The following B3GALT1 variants were observed in gnomAD, a reference collection of about 807,000 sequenced individuals.
B3GALT1 encodes the protein UDP-Gal:betaGlcNAc beta 1,3-galactosyltransferase, polypeptide 1.
In B3GALT1, 10 loss-of-function variants were observed where a neutral mutation model predicts 23.2. The ratio of observed to expected loss-of-function variants is 0.43; its 90% confidence interval spans 0.27 to 0.73. The LOEUF (loss-of-function observed/expected upper bound fraction) is 0.73. Among genes scored for constraint, B3GALT1 ranks in the 30% least tolerant of loss-of-function variants. The pLI, the probability that B3GALT1 is intolerant of heterozygous loss-of-function variation, is 0.21. For missense variants in B3GALT1, 299 were observed against 405.4 expected (o/e 0.74, Z 2.25); for synonymous variants, 156 against 141.5 (o/e 1.10, Z -0.73).
chr2:167,796,915 G>A (rs1446502), intron 3 of B3GALT1, among the ~76,000 whole-genome samples: 15,248 of 152,214 alleles, frequency 0.1, 1,662 homozygotes, highest in East Asian at 0.3. Context: ...AGTGAGGCTA[G>A]GTTGATGAGG....
Position 167,687,486 on chromosome 2 carries a change from G to A in B3GALT1, c.-352+40520G>A, listed in dbSNP as rs1487915523. On this transcript the variant is annotated intron_variant, in intron 3 of 4. Coordinates refer to ENST00000392690, the MANE Select transcript of B3GALT1 (RefSeq NM_020981.4). ...TTTGTTGCTACTTTAAATACTGACT[G>A]TAAAGGAGGAAAGAAAAGAAGAAGA... 2.0e-5 allele frequency among the ~76,000 whole-genome samples: 3 copies of A among 152,062 alleles called. No homozygotes were observed. The South Asian group carries it at 6.2e-4, about 31-fold the overall frequency.
chr2:167,521,358 T>C (rs1249523709), intron 2 of B3GALT1, among the ~76,000 whole-genome samples: 3 of 152,182 alleles, frequency 2.0e-5, no homozygotes, highest in African/African-American at 7.2e-5. Context: ...AGATCCCTTT[T>C]ACAGGCAAAA....
At chr2:167,858,344 T>TA (rs77883366) in intron 4 of B3GALT1, among the ~76,000 whole-genome samples, 1,594 of 68,926 alleles carry the variant, frequency 0.023, 13 homozygotes, top group African/African-American at 0.039. Flanking sequence ...AAGAGCGAAG[T>TA]AAAAAAAAAA....
intron 2 of B3GALT1, among the ~76,000 whole-genome samples, chr2:167,564,457 G>T (rs981140544): frequency 1.3e-5 from 2 of 151,832 alleles, no homozygotes; most frequent in Admixed American, 1.3e-4. Context: ...CTCCCAGACG[G>T]GGTGGCGGCC....
intron 2 of B3GALT1, among the ~76,000 whole-genome samples, chr2:167,630,724 T>G (rs1187235979): frequency 6.6e-6 from 1 of 151,748 alleles, no homozygotes; most frequent in Admixed American, 6.6e-5. Context: ...TATGGGTGCT[T>G]ATTGTACCAA....
intron 1 of B3GALT1, among the ~76,000 whole-genome samples, chr2:167,448,749 C>G (rs1037181720): frequency 6.6e-6 from 1 of 152,072 alleles, no homozygotes. Flanking sequence ...AGATTTAAGT[C>G]CTTCATTCAT....
chr2:167,603,483 A>T (rs1287611144), intron 2 of B3GALT1, among the ~76,000 whole-genome samples: 2 of 152,246 alleles, frequency 1.3e-5, no homozygotes, highest in Non-Finnish European at 2.9e-5. Flanking sequence ...GAGCTGAATG[A>T]AATAAAGGAG....
chr2:167,376,086 GTTT>G (rs1697758562), intron 1 of B3GALT1, among the ~76,000 whole-genome samples: 1 of 152,068 alleles, frequency 6.6e-6, no homozygotes, highest in Non-Finnish European at 1.5e-5. Flanking sequence ...ATGATCATAT[GTTT>G]TTTCTTATTA....
chr2:167,459,279 A>G (rs559567832), intron 1 of B3GALT1, among the ~76,000 whole-genome samples: 27 of 152,136 alleles, frequency 1.8e-4, no homozygotes, highest in Admixed American at 1.6e-3. Context: ...CATATTTTCT[A>G]TCACTATTTT....
intron 4 of B3GALT1, among the ~76,000 whole-genome samples, chr2:167,822,341 T>G (rs1442360105): frequency 6.6e-6 from 1 of 152,210 alleles, no homozygotes; most frequent in Non-Finnish European, 1.5e-5. Context: ...TAGGCTGTAC[T>G]TTGCTAACTG....
intron 2 of B3GALT1, among the ~76,000 whole-genome samples, chr2:167,582,607 T>C (rs377190590): frequency 9.8e-5 from 15 of 152,312 alleles, no homozygotes; most frequent in African/African-American, 3.6e-4. Context: ...ATTTTTCCCT[T>C]TTTTATTTTG....
intron 1 of B3GALT1, among the ~76,000 whole-genome samples, chr2:167,473,839 A>G (rs931082454): frequency 5.9e-5 from 9 of 152,212 alleles, no homozygotes; most frequent in African/African-American, 1.9e-4. Flanking sequence ...TACATGATGT[A>G]TCACATTTAT....
chr2:167,337,687 G>A (rs895763115), intron 1 of B3GALT1, among the ~76,000 whole-genome samples: 1 of 151,992 alleles, frequency 6.6e-6, no homozygotes, highest in African/African-American at 2.4e-5. Flanking sequence ...TGTAGTTGCT[G>A]CACAGGATAT....
intron 3 of B3GALT1, among the ~76,000 whole-genome samples, chr2:167,694,859 CA>C (rs1348630301): frequency 6.6e-6 from 1 of 152,152 alleles, no homozygotes; most frequent in Non-Finnish European, 1.5e-5. Flanking sequence ...TCTTTCCAAT[CA>C]ATATGTATTT....
intron 4 of B3GALT1, among the ~76,000 whole-genome samples, chr2:167,832,979 G>A (rs1689382391): frequency 6.6e-6 from 1 of 152,224 alleles, no homozygotes; most frequent in South Asian, 2.1e-4. Context: ...TTGCTAAGTA[G>A]AAATGGGAAG....
intron 1 of B3GALT1, among the ~76,000 whole-genome samples, chr2:167,445,928 C>T (rs1574082139): frequency 6.6e-6 from 1 of 152,112 alleles, no homozygotes; most frequent in African/African-American, 2.4e-5. Context: ...GGTTATTTTG[C>T]TTGTTAGTTG....
intron 1 of B3GALT1, among the ~76,000 whole-genome samples, chr2:167,392,179 C>T (rs1698023271): frequency 6.6e-6 from 1 of 151,914 alleles, no homozygotes; most frequent in Non-Finnish European, 1.5e-5. Context: ...TCTTTCTCCT[C>T]ATTCTCCAAA....
chr2:167,678,320 A>G (rs1197992769), intron 3 of B3GALT1, among the ~76,000 whole-genome samples: 2 of 152,226 alleles, frequency 1.3e-5, no homozygotes, highest in African/African-American at 2.4e-5. Context: ...TAATAATCCT[A>G]TGAGATAAGT....
intron 3 of B3GALT1, among the ~76,000 whole-genome samples, chr2:167,710,333 G>T (rs1687029251): frequency 6.6e-6 from 1 of 152,188 alleles, no homozygotes; most frequent in Non-Finnish European, 1.5e-5. Flanking sequence ...ACCCAGTAGG[G>T]TGTCAATCCA....
Sources: gnomAD v4.1 joint callset for allele counts (sites outside exome capture counted in the v4.1 genomes callset) on GRCh38, gnomAD v4.1.1 for gene constraint, MANE v1.5 for transcripts, NCBI Gene and HGNC (gene_info 2026-07-23, HGNC 2026-07-21) for gene names.